MBP: variants seen among roughly 807,000 people sequenced by gnomAD.
MBP encodes the protein myelin basic protein.
A neutral mutation model predicts 35.8 loss-of-function variants in MBP; 16 were observed. The observed-to-expected ratio is 0.45, with a 90% CI of 0.30 to 0.68. The LOEUF (loss-of-function observed/expected upper bound fraction) is 0.68, where lower values mean the gene tolerates loss of function less well. MBP is among the 30% of genes least tolerant of loss of function. MBP has a pLI of 0.08. For missense variants in MBP, 380 were observed against 404.7 expected (o/e 0.94, Z 0.52); for synonymous variants, 143 against 159.6 (o/e 0.90, Z 0.78).
chr18:77,008,141 C>T (rs3794834), intron 4 of MBP, among the ~76,000 whole-genome samples: 1 of 152,012 alleles, frequency 6.6e-6, no homozygotes, highest in Non-Finnish European at 1.5e-5. Flanking sequence ...CAGCGCGTCA[C>T]ACACTGGGTG....
chr18:77,002,012 T>A lies in MBP; in HGVS notation c.577-11952A>T, dbSNP rs563973774. On this transcript the variant is annotated intron_variant, in intron 4 of 8. Transcript: ENST00000355994. ...GATCACACATATTAACACAGTACAT[T>A]TTGTTTCCCCATTTGTATTGATTAT... 3.3e-5 allele frequency among the ~76,000 whole-genome samples: 5 copies of A among 152,306 alleles called. No individual in the cohort carries two copies. The South Asian group carries it at 1.0e-3, about 32-fold the overall frequency.
chr18:77,007,001 C>G (rs76816679), intron 4 of MBP, among the ~76,000 whole-genome samples: 2 of 152,128 alleles, frequency 1.3e-5, no homozygotes, highest in African/African-American at 4.8e-5. Context: ...GTTCAGCTCG[C>G]GTTTCTCAGC....
rs578101654 is a variant in MBP at position 77,090,450 on chromosome 18, GACTTCCATAC to G, written c.51+14751_51+14760del. On this transcript the variant is annotated intron_variant, in intron 2 of 8. Coordinates refer to ENST00000355994, the MANE Select transcript of MBP (RefSeq NM_001025101.2). ...CTTTACAGCAAAACTTCTCAAAACAGACTTCCATACACACCAATCCAATCTCCTCCTGCCA... is the reference window on the plus strand; with the variant it reads ...CTTTACAGCAAAACTTCTCAAAACAGACACCAATCCAATCTCCTCCTGCCA... Among the ~76,000 whole-genome samples the G allele has an allele frequency of 2.0e-4, 30 of 152,208 alleles. No individual in the cohort carries two copies. In the South Asian group the frequency reaches 6.2e-3, roughly 32 times the overall value.
In MBP at chr18:76,984,802, C is replaced by T; in HGVS notation, c.843G>A (p.Gln281=). The change falls in exon 8 of 9, where the codon CAG becomes CAA. Residue 281 remains glutamine (Q), a synonymous_variant. Transcript: ENST00000355994. ...AHKGFKGVDA[Q]GTLSKIFKLG... ...GCTTAAAAATTTTGGAAAGCGTGCC[C>T]TGGGCATCGACTCCCTTGAATCCCT... 6.2e-7 allele frequency: 1 copy of T among 1,614,108 alleles called. No individual in the cohort carries two copies. The highest frequency in any genetic ancestry group is 8.5e-7 in the Non-Finnish European group (1 of 1,180,044).
intron 4 of MBP, among the ~76,000 whole-genome samples, chr18:76,994,816 A>C (rs774425388): frequency 5.3e-5 from 8 of 152,230 alleles, no homozygotes; most frequent in Non-Finnish European, 1.2e-4. Flanking sequence ...TGTTTAGTTC[A>C]CTTTTAATAC....
chr18:77,097,691 C>T (rs902329355), intron 2 of MBP, among the ~76,000 whole-genome samples: 2 of 152,198 alleles, frequency 1.3e-5, no homozygotes, highest in African/African-American at 4.8e-5. Context: ...CAGCCACTCA[C>T]AGAGACATGG....
At chr18:77,054,325 G>A (rs1230940021) in intron 3 of MBP, among the ~76,000 whole-genome samples, 1 of 152,240 alleles carries the variant, frequency 6.6e-6, no homozygotes, top group East Asian at 1.9e-4. Flanking sequence ...GGGACATGGA[G>A]CGAAGAGCTC....
Position 77,072,421 on chromosome 18 carries a change from T to C in MBP, c.52-6036A>G, listed in dbSNP as rs368300308. Among the ~76,000 whole-genome samples the C allele has an allele frequency of 2.6e-5, 4 of 152,308 alleles. No individual in the cohort carries two copies. In the South Asian group the frequency reaches 8.3e-4, roughly 32 times the overall value. On this transcript the variant is annotated intron_variant, in intron 2 of 8. Coordinates refer to ENST00000355994, the MANE Select transcript of MBP (RefSeq NM_001025101.2). ...CACATGTACGTCGTATCAAAATCAT[T>C]ATTCGCATGACAGCCAAGACCTCGG...
At chr18:77,128,868 TC>T (rs1977146370) in intron 1 of MBP, among the ~76,000 whole-genome samples, 1 of 152,220 alleles carries the variant, frequency 6.6e-6, no homozygotes, top group Non-Finnish European at 1.5e-5. Context: ...TAGATTATTC[TC>T]TAACATCTTT....
chr18:76,985,347 T>C (rs1969487129), intron 7 of MBP: 2 of 1,282,884 alleles, frequency 1.6e-6, no homozygotes, highest in Non-Finnish European at 2.0e-6. Flanking sequence ...GGCCCCGGCC[T>C]GCGCCTTTGC....
At chr18:77,079,204 G>T (rs1974786118) in intron 2 of MBP, among the ~76,000 whole-genome samples, 1 of 152,234 alleles carries the variant, frequency 6.6e-6, no homozygotes, top group Non-Finnish European at 1.5e-5. Context: ...CTATTTCTCT[G>T]AGAAGAGGAC....
chr18:77,016,024 C>A, intron 4 of MBP: 1 of 985,438 alleles, frequency 1.0e-6, no homozygotes, highest in East Asian at 1.1e-4. Context: ...CTCTAAACAT[C>A]ACGTAAAATA....
chr18:77,068,039 T>TTG (rs958150011), intron 2 of MBP, among the ~76,000 whole-genome samples: 2 of 114,740 alleles, frequency 1.7e-5, no homozygotes, highest in African/African-American at 3.3e-5. Context: ...GTGTGTGTGT[T>TTG]TGTGTGTGTG....
At chr18:77,018,486 A>C (rs975450490) in intron 3 of MBP, among the ~76,000 whole-genome samples, 3 of 141,968 alleles carry the variant, frequency 2.1e-5, no homozygotes, top group South Asian at 4.4e-4. Flanking sequence ...TCCACATATC[A>C]GTCCATTTAC....
chr18:77,097,247 C>CT (rs1809197856), intron 2 of MBP: 1 of 152,282 alleles, frequency 6.6e-6, no homozygotes, highest in Non-Finnish European at 1.5e-5. Flanking sequence ...CCCCAGCTCT[C>CT]TACCTGTGAA....
At chr18:77,035,188 GCATTCC>G (rs1972708800) in intron 3 of MBP, among the ~76,000 whole-genome samples, 1 of 152,144 alleles carries the variant, frequency 6.6e-6, no homozygotes. Flanking sequence ...TGCTTCTTAC[GCATTCC>G]GTACTCATAC....
chr18:77,053,583 C>T (rs1298316776), intron 3 of MBP, among the ~76,000 whole-genome samples: 3 of 152,226 alleles, frequency 2.0e-5, no homozygotes, highest in Non-Finnish European at 1.5e-5. Flanking sequence ...CTCTGATGCA[C>T]GAGCTGCGGG....
intron 2 of MBP, among the ~76,000 whole-genome samples, chr18:77,069,449 T>C (rs189187518): frequency 5.9e-5 from 9 of 152,356 alleles, no homozygotes; most frequent in African/African-American, 2.2e-4. Flanking sequence ...TTAAGTACGA[T>C]TCAGCTACCG....
rs1399395953 is a variant in MBP, at chr18:76,988,542, CAG to C, written c.718-17_718-16del. 8 of 1,608,578 alleles carry C rather than the reference CAG, an allele frequency of 5.0e-6. No homozygotes were observed. Among genetic ancestry groups the C allele is most frequent in the East Asian group, 2.2e-5 (1 of 44,796 alleles). ...AGTCCTCTCCCCTGCATGAGGAAGACAGAGAAATAATGACATGGTGGTCAGTG... is the reference window on the plus strand; with the variant it reads ...AGTCCTCTCCCCTGCATGAGGAAGACAGAAATAATGACATGGTGGTCAGTG... On this transcript the variant is annotated splice_polypyrimidine_tract_variant and intron_variant, in intron 6 of 8. Coordinates refer to ENST00000355994, the MANE Select transcript of MBP (RefSeq NM_001025101.2). The surrounding 1 kb of genome is among the most constrained non-coding windows in gnomAD (Gnocchi z 5.2).
Sources: gnomAD v4.1 joint callset for allele counts (sites outside exome capture counted in the v4.1 genomes callset) on GRCh38, gnomAD v4.1.1 for gene constraint, Gnocchi (gnomAD v3.1) non-coding constraint, MANE v1.5 for transcripts, NCBI Gene and HGNC (gene_info 2026-07-23, HGNC 2026-07-21) for gene names.